The following PDE4D variants were observed in gnomAD, a reference collection of about 807,000 sequenced individuals.
PDE4D encodes phosphodiesterase 4D, also known as 3',5'-cyclic-AMP phosphodiesterase 4D.
PDE4D carries 24 observed loss-of-function variants against 87.4 expected under a neutral mutation model. The ratio of observed to expected loss-of-function variants is 0.27; its 90% confidence interval spans 0.20 to 0.39. The LOEUF is 0.39. PDE4D is among the 10% of genes least tolerant of loss of function. PDE4D has a pLI of 1.00. For missense variants in PDE4D, 714 were observed against 1,041.0 expected (o/e 0.69, Z 4.32); for synonymous variants, 384 against 383.2 (o/e 1.00, Z -0.02).
chr5:59,955,872 G>A (rs555534061), intron 3 of PDE4D, among the ~76,000 whole-genome samples: 15 of 152,220 alleles, frequency 9.9e-5, no homozygotes, highest in African/African-American at 3.4e-4. Flanking sequence ...TGGTGGGGAT[G>A]CTGCTTCTTA....
intron 1 of PDE4D, among the ~76,000 whole-genome samples, chr5:59,642,152 C>T (rs298032): frequency 6.6e-6 from 1 of 151,866 alleles, no homozygotes; most frequent in Admixed American, 6.6e-5. Context: ...AAATAATCCA[C>T]TGTGTTTTTC....
intron 1 of PDE4D, among the ~76,000 whole-genome samples, chr5:60,267,297 T>G (rs1391683403): frequency 6.6e-6 from 1 of 152,228 alleles, no homozygotes; most frequent in Non-Finnish European, 1.5e-5. Flanking sequence ...AACTGTTTCA[T>G]GTGAGGGTTG....
chr5:60,097,807 A>T (rs1420467056), intron 2 of PDE4D, among the ~76,000 whole-genome samples: 2 of 151,878 alleles, frequency 1.3e-5, no homozygotes, highest in Non-Finnish European at 2.9e-5. Context: ...CCAATAATAC[A>T]CAAATCAGAA....
intron 11 of PDE4D, among the ~76,000 whole-genome samples, chr5:58,978,816 T>G (rs953304640): frequency 1.3e-5 from 2 of 152,194 alleles, no homozygotes; most frequent in African/African-American, 2.4e-5. Context: ...TGAACTTTTA[T>G]AGTGTCTATA....
At chr5:59,992,956 A>G (rs1186570866) in intron 2 of PDE4D, among the ~76,000 whole-genome samples, 2 of 152,204 alleles carry the variant, frequency 1.3e-5, no homozygotes, top group Non-Finnish European at 2.9e-5. Context: ...GGTAGAAGGT[A>G]AGAGGTTAAA....
intron 1 of PDE4D, among the ~76,000 whole-genome samples, chr5:59,574,038 ATTTATATATATT>A (rs1561239617): frequency 8.4e-5 from 9 of 107,220 alleles, no homozygotes; most frequent in African/African-American, 3.6e-4. Context: ...AAAAATATAT[ATTTATATATATT>A]TATATATAAA....
At chr5:59,132,709 T>C (rs1776457456) in intron 5 of PDE4D, among the ~76,000 whole-genome samples, 1 of 152,188 alleles carries the variant, frequency 6.6e-6, no homozygotes. Flanking sequence ...TTAAGACATG[T>C]TGATAATATT....
At chr5:58,999,338 T>A (rs1031595590) in intron 6 of PDE4D, 2 of 322,024 alleles carry the variant, frequency 6.2e-6, no homozygotes, top group African/African-American at 4.3e-5. Context: ...TACAATCTTA[T>A]CTTGACCACT....
intron 3 of PDE4D, among the ~76,000 whole-genome samples, chr5:59,956,568 T>C (rs2152807620): frequency 6.6e-6 from 1 of 152,302 alleles, no homozygotes; most frequent in East Asian, 1.9e-4. Flanking sequence ...AATGTTTCTA[T>C]TTGTGAGCCA....
At chr5:60,053,510 C>A (rs1770439658) in intron 2 of PDE4D, among the ~76,000 whole-genome samples, 1 of 152,054 alleles carries the variant, frequency 6.6e-6, no homozygotes, top group African/African-American at 2.4e-5. Context: ...GAAACTGGAC[C>A]CCTTCCTTAC....
intron 2 of PDE4D, among the ~76,000 whole-genome samples, chr5:60,012,689 C>T (rs12517747): frequency 0.24 from 37,113 of 152,088 alleles, 5,329 homozygotes; most frequent in Admixed American, 0.34. Context: ...CCATCGACAG[C>T]TTCATAGCCT....
chr5:59,499,552 A>G (rs1200011766), intron 1 of PDE4D, among the ~76,000 whole-genome samples: 1 of 152,018 alleles, frequency 6.6e-6, no homozygotes, highest in African/African-American at 2.4e-5. Flanking sequence ...GAAAAGAGAG[A>G]AGATCTGAAT....
intron 1 of PDE4D, among the ~76,000 whole-genome samples, chr5:60,433,102 C>G (rs1217106759): frequency 6.6e-6 from 1 of 152,096 alleles, no homozygotes; most frequent in African/African-American, 2.4e-5. Flanking sequence ...AACTAAAGAG[C>G]TTCTGCACAG....
intron 3 of PDE4D, among the ~76,000 whole-genome samples, chr5:59,937,054 A>G (rs980517977): frequency 6.6e-6 from 1 of 152,176 alleles, no homozygotes; most frequent in East Asian, 1.9e-4. Context: ...TGGCAGATGA[A>G]TTGTCATGCA....
chr5:59,932,655 T>C (rs903239189), intron 3 of PDE4D, among the ~76,000 whole-genome samples: 2 of 152,136 alleles, frequency 1.3e-5, no homozygotes, highest in African/African-American at 4.8e-5. Context: ...TTGTGATAAA[T>C]GATTTTATTT....
chr5:59,344,222 T>C (rs1779253899), intron 1 of PDE4D, among the ~76,000 whole-genome samples: 1 of 152,160 alleles, frequency 6.6e-6, no homozygotes, highest in African/African-American at 2.4e-5. Context: ...TAGTTCTTAG[T>C]ATAACCAAGA....
In PDE4D at chr5:58,971,784, T is replaced by C. The variant is rs945009818; in HGVS notation, c.*2880A>G. 2.0e-5 allele frequency: 3 copies of C among 152,662 alleles called. No individual in the cohort carries two copies. Among genetic ancestry groups the C allele is most frequent in the Admixed American group, 1.3e-4 (2 of 15,278 alleles). 9.5% of individuals were successfully genotyped at this position (152,662 alleles called of 1,614,324 possible). On this transcript the variant is annotated 3_prime_UTR_variant, in exon 15 of 15. Transcript: ENST00000340635. ...AGTACCCAGATATTGCATTTTCTTA[T>C]GGCATTTTAGGAAATGTAAAGCCAC... is the stretch of plus-strand genomic sequence containing the variant.
intron 1 of PDE4D, among the ~76,000 whole-genome samples, chr5:59,546,836 C>A (rs1351753821): frequency 6.6e-6 from 1 of 152,138 alleles, no homozygotes; most frequent in East Asian, 1.9e-4. Flanking sequence ...AGCTGGATAT[C>A]TCAGTATGTA....
At chr5:60,065,429 C>A (rs1771942981) in intron 2 of PDE4D, among the ~76,000 whole-genome samples, 1 of 151,612 alleles carries the variant, frequency 6.6e-6, no homozygotes, top group Non-Finnish European at 1.5e-5. Flanking sequence ...AACTAGTTAC[C>A]AATTTATTAT....
Sources: gnomAD v4.1 joint callset for allele counts (sites outside exome capture counted in the v4.1 genomes callset) on GRCh38, gnomAD v4.1.1 for gene constraint, MANE v1.5 for transcripts, NCBI Gene and HGNC (gene_info 2026-07-23, HGNC 2026-07-21) for gene names.